PRELID2: variants seen among roughly 807,000 people sequenced by gnomAD.
PRELID2 encodes the protein PRELI domain containing 2.
A neutral mutation model predicts 28.4 loss-of-function variants in PRELID2; 25 were observed. The observed-to-expected ratio is 0.88, with a 90% CI of 0.64 to 1.23. PRELID2 has a LOEUF of 1.23. PRELID2 is among the 50% of genes most tolerant of loss of function. PRELID2 has a pLI of 0.00. For synonymous variants in PRELID2, 76 were observed against 71.6 expected (o/e 1.06, Z -0.31); for missense variants, 201 against 214.4 (o/e 0.94, Z 0.39).
rs192049097 is a variant in PRELID2 at position 145,703,433 on chromosome 5, T to C, written n.70+61498A>G. ...ACATGCCCCAAATACACACAGTAGC[T>C]TCAGCTTTACTCTTATGACAACCAA... On this transcript the variant is annotated intron_variant and non_coding_transcript_variant, in intron 1 of 2. Transcript: ENST00000510259. Among the ~76,000 whole-genome samples the C allele has an allele frequency of 3.3e-5, 5 of 152,322 alleles. No individual in the cohort carries two copies. The East Asian group carries it at 9.7e-4, about 29-fold the overall frequency.
the PRELID2 span, among the ~76,000 whole-genome samples, chr5:145,316,724 A>G: frequency 6.6e-6 from 1 of 152,196 alleles, no homozygotes; most frequent in African/African-American, 2.4e-5. Context: ...AGAAAAATAT[A>G]CCTAAGAAAA....
At chr5:145,401,726 C>G in the PRELID2 span, among the ~76,000 whole-genome samples, 1 of 152,098 alleles carries the variant, frequency 6.6e-6, no homozygotes, top group Non-Finnish European at 1.5e-5. Context: ...GCACATTTAT[C>G]TAAAGTAGCA....
intron 4 of PRELID2, among the ~76,000 whole-genome samples, chr5:145,799,025 A>AATATATATATATATATATATATAT (rs532556100): frequency 1.4e-5 from 2 of 147,954 alleles, no homozygotes; most frequent in African/African-American, 5.0e-5. Flanking sequence ...AGTATAATAA[A>AATATATATATATATATATATATAT]ATATATATAT....
the PRELID2 span, among the ~76,000 whole-genome samples, chr5:145,416,582 G>C: frequency 6.6e-6 from 1 of 152,102 alleles, no homozygotes; most frequent in Non-Finnish European, 1.5e-5. Context: ...CAGAAATCAG[G>C]AAGTTCTTTG....
chr5:145,550,703 AGG>A (rs1752826152), intron 1 of PRELID2, among the ~76,000 whole-genome samples: 1 of 152,226 alleles, frequency 6.6e-6, no homozygotes, highest in South Asian at 2.1e-4. Flanking sequence ...TAGGAAACCA[AGG>A]GGAATAAATT....
chr5:145,699,998 C>T (rs1000512249), intron 1 of PRELID2, among the ~76,000 whole-genome samples: 4 of 152,090 alleles, frequency 2.6e-5, no homozygotes, highest in African/African-American at 9.7e-5. Context: ...AACTGAAAAA[C>T]AATTTTCCTT....
At chr5:145,722,843 G>A (rs532118616) in intron 1 of PRELID2, among the ~76,000 whole-genome samples, 172 of 152,178 alleles carry the variant, frequency 1.1e-3, no homozygotes, top group African/African-American at 3.8e-3. Flanking sequence ...TACCAACATT[G>A]ACTAAAGTAG....
At chr5:145,386,899 C>T in the PRELID2 span, among the ~76,000 whole-genome samples, 1 of 152,140 alleles carries the variant, frequency 6.6e-6, no homozygotes, top group African/African-American at 2.4e-5. Context: ...AACATTAATT[C>T]TCCTGGGAGC....
the PRELID2 span, among the ~76,000 whole-genome samples, chr5:145,411,017 C>T: frequency 1.3e-5 from 2 of 151,790 alleles, no homozygotes; most frequent in Non-Finnish European, 2.9e-5. Context: ...GAGAAATTGG[C>T]CAAAATAAAG....
chr5:145,229,529 G>C, the PRELID2 span: 3 of 1,460,432 alleles, frequency 2.1e-6, no homozygotes, highest in Admixed American at 5.0e-5. Flanking sequence ...GGTGACCAGC[G>C]TCAAGGATGG....
chr5:145,465,126 A>T, the PRELID2 span, among the ~76,000 whole-genome samples: 1 of 152,102 alleles, frequency 6.6e-6, no homozygotes, highest in Non-Finnish European at 1.5e-5. Flanking sequence ...ATGGCCTCCT[A>T]GAGTCCTGGT....
rs1320794357 is a variant in PRELID2, at chr5:145,507,455, CAGTT to C, written n.71-34144_71-34141del. The stretch of plus-strand genomic sequence containing the variant: ...TAAGATGGGAAAGGTAGACACAACT[CAGTT>C]AGTGGAGCCAATGTAGAGTCTCTTA... On this transcript the variant is annotated intron_variant and non_coding_transcript_variant, in intron 1 of 2. Transcript: ENST00000510259. Among the ~76,000 whole-genome samples the C allele has an allele frequency of 3.3e-5, 5 of 152,250 alleles. No individual in the cohort carries two copies. The East Asian group carries it at 9.7e-4, about 29-fold the overall frequency.
At chr5:145,616,288 C>G (rs910222559) in intron 1 of PRELID2, among the ~76,000 whole-genome samples, 1 of 152,138 alleles carries the variant, frequency 6.6e-6, no homozygotes, top group African/African-American at 2.4e-5. Context: ...GTCTAGGTCT[C>G]CAGCAAGGCC....
chr5:145,735,903 T>G (rs1756482981), intron 1 of PRELID2, among the ~76,000 whole-genome samples: 1 of 152,198 alleles, frequency 6.6e-6, no homozygotes, highest in Non-Finnish European at 1.5e-5. Flanking sequence ...ATTGTGAGAC[T>G]AAAACAATCT....
the PRELID2 span, among the ~76,000 whole-genome samples, chr5:145,438,980 A>G: frequency 2.6e-5 from 4 of 152,254 alleles, no homozygotes; most frequent in Non-Finnish European, 5.9e-5. Flanking sequence ...CGATGCTGTC[A>G]GCTTCTTGAG....
chr5:145,373,336 A>C, the PRELID2 span, among the ~76,000 whole-genome samples: 47 of 103,154 alleles, frequency 4.6e-4, 1 homozygote, highest in Admixed American at 2.7e-3. Flanking sequence ...AATATACGAT[A>C]TATATTACAA....
intron 1 of PRELID2, among the ~76,000 whole-genome samples, chr5:145,745,246 T>C (rs1247077072): frequency 6.6e-6 from 1 of 152,146 alleles, no homozygotes; most frequent in Non-Finnish European, 1.5e-5. Context: ...CTGGAGTATC[T>C]GAAGGAGATG....
At chr5:145,399,426 G>A in the PRELID2 span, among the ~76,000 whole-genome samples, 1 of 152,150 alleles carries the variant, frequency 6.6e-6, no homozygotes, top group African/African-American at 2.4e-5. Context: ...AACAATACCA[G>A]AGCTCATGCA....
intron 1 of PRELID2, among the ~76,000 whole-genome samples, chr5:145,746,250 C>T (rs185638973): frequency 4.6e-5 from 7 of 152,164 alleles, no homozygotes; most frequent in South Asian, 2.1e-4. Context: ...GACCCGTCGG[C>T]GTGCTGTATT....
Sources: gnomAD v4.1 joint callset for allele counts (sites outside exome capture counted in the v4.1 genomes callset) on GRCh38, gnomAD v4.1.1 for gene constraint, MANE v1.5 for transcripts, NCBI Gene and HGNC (gene_info 2026-07-23, HGNC 2026-07-21) for gene names.